Variants in GRIK4 observed in about 807,000 individuals in gnomAD.
GRIK4 encodes glutamate ionotropic receptor kainate type subunit 4, also known as glutamate receptor ionotropic, kainate 4.
Under a neutral mutation model 104.9 loss-of-function variants are expected in GRIK4, and 40 were observed. The observed-to-expected ratio is 0.38, with a 90% CI of 0.30 to 0.50. The LOEUF is 0.50. Ranked by LOEUF, GRIK4 falls within the 20% of genes least tolerant of loss-of-function variation. The pLI is 0.93. For synonymous variants in GRIK4, 485 were observed against 524.9 expected (o/e 0.92, Z 1.04); for missense variants, 1,047 against 1,308.1 (o/e 0.80, Z 3.08).
chr11:120,729,723 T>G (rs1216003811), intron 3 of GRIK4, among the ~76,000 whole-genome samples: 3 of 152,136 alleles, frequency 2.0e-5, no homozygotes, highest in Admixed American at 2.0e-4. Flanking sequence ...TCTCTTCAGT[T>G]TGCTGACTGT....
At chr11:120,694,161 A>G (rs1950406684) in intron 3 of GRIK4, among the ~76,000 whole-genome samples, 1 of 152,178 alleles carries the variant, frequency 6.6e-6, no homozygotes, top group Non-Finnish European at 1.5e-5. Context: ...TGAGGGAGGG[A>G]TCTGGGCTGG....
chr11:120,642,649 TC>T (rs984004228), intron 1 of GRIK4, among the ~76,000 whole-genome samples: 1 of 152,162 alleles, frequency 6.6e-6, no homozygotes, highest in African/African-American at 2.4e-5. Context: ...TCCTTGGCAC[TC>T]CTGTCCCTTC....
chr11:120,663,074 CAT>C (rs1347446990), intron 3 of GRIK4, among the ~76,000 whole-genome samples: 2 of 152,204 alleles, frequency 1.3e-5, no homozygotes, highest in East Asian at 3.8e-4. Context: ...AACTCTCACA[CAT>C]ATGTCAACCC....
intron 3 of GRIK4, among the ~76,000 whole-genome samples, chr11:120,702,128 G>A (rs532357606): frequency 2.0e-5 from 3 of 152,118 alleles, no homozygotes; most frequent in African/African-American, 7.2e-5. Context: ...GCTAATTTTT[G>A]TATTTTTAGT....
At chr11:120,798,157 CTT>C (rs539833846) in intron 3 of GRIK4, among the ~76,000 whole-genome samples, 86 of 68,104 alleles carry the variant, frequency 1.3e-3, no homozygotes, top group African/African-American at 4.0e-3. Flanking sequence ...TCTGCTGTCT[CTT>C]TTTTTTTTTT....
intron 3 of GRIK4, among the ~76,000 whole-genome samples, chr11:120,760,979 G>A (rs1951739328): frequency 6.6e-6 from 1 of 152,058 alleles, no homozygotes; most frequent in Non-Finnish European, 1.5e-5. Flanking sequence ...GGGATTGCTG[G>A]GTCAAATGGT....
intron 20 of GRIK4, among the ~76,000 whole-genome samples, chr11:120,984,278 C>A (rs1428347254): frequency 3.3e-5 from 5 of 152,208 alleles, no homozygotes; most frequent in Non-Finnish European, 7.3e-5. Context: ...AGGACTTCTG[C>A]TCCCATATGG....
At chr11:120,620,321 C>T in intron 1 of GRIK4, 1 of 643,606 alleles carries the variant, frequency 1.6e-6, no homozygotes, top group East Asian at 2.8e-5. Flanking sequence ...TAGTAGTTTC[C>T]CAGAGTTCTT....
At chr11:120,723,547 A>C (rs1213742171) in intron 3 of GRIK4, among the ~76,000 whole-genome samples, 1 of 152,198 alleles carries the variant, frequency 6.6e-6, no homozygotes, top group African/African-American at 2.4e-5. Flanking sequence ...TTAGAGGAGA[A>C]AGTTGCTTGC....
intron 8 of GRIK4, among the ~76,000 whole-genome samples, chr11:120,847,698 A>G (rs1488123351): frequency 3.9e-5 from 6 of 152,232 alleles, no homozygotes; most frequent in Non-Finnish European, 7.3e-5. Flanking sequence ...CAGAACTTTC[A>G]TATTACTCCC....
chr11:120,641,070 G>T (rs1949466653), intron 1 of GRIK4, among the ~76,000 whole-genome samples: 1 of 152,240 alleles, frequency 6.6e-6, no homozygotes, highest in Non-Finnish European at 1.5e-5. Flanking sequence ...GACTCTACAG[G>T]CTTTGAACTT....
At chr11:120,580,434 C>G (rs1948564630) in intron 1 of GRIK4, among the ~76,000 whole-genome samples, 1 of 151,996 alleles carries the variant, frequency 6.6e-6, no homozygotes, top group African/African-American at 2.4e-5. Flanking sequence ...CACCACCATG[C>G]CTAGCTAATT....
At chr11:120,974,127 C>T (rs1383966419) in intron 19 of GRIK4, among the ~76,000 whole-genome samples, 3 of 152,044 alleles carry the variant, frequency 2.0e-5, no homozygotes, top group South Asian at 2.1e-4. Context: ...AGGCTGGTCT[C>T]GAACTCCTGA....
intron 1 of GRIK4, among the ~76,000 whole-genome samples, chr11:120,561,861 CA>C (rs1948242620): frequency 6.6e-6 from 1 of 152,224 alleles, no homozygotes; most frequent in Non-Finnish European, 1.5e-5. Flanking sequence ...CTGCACGCTA[CA>C]CAGCTGATGA....
rs575210512 is a variant in GRIK4, at chr11:120,741,891, A to G, written c.83-60802A>G. 2.6e-5 allele frequency among the ~76,000 whole-genome samples: 4 copies of G among 152,282 alleles called. No individual in the cohort carries two copies. In the South Asian group the frequency reaches 6.2e-4, roughly 24 times the overall value. Reference sequence around the variant, plus strand: ...AAGATGCAGTCTCTGCCCTGGGGGAATTCTCTGGCTAAGAGGAGACATAGA... The same window carrying G: ...AAGATGCAGTCTCTGCCCTGGGGGAGTTCTCTGGCTAAGAGGAGACATAGA... On this transcript the variant is annotated intron_variant, in intron 3 of 20. Transcript: ENST00000527524.
intron 1 of GRIK4, among the ~76,000 whole-genome samples, chr11:120,548,999 A>G (rs1405922752): frequency 6.6e-6 from 1 of 152,114 alleles, no homozygotes; most frequent in East Asian, 1.9e-4. Flanking sequence ...CAGGCCCAGG[A>G]CACAGCACCT....
rs190022602 is a variant in GRIK4 at position 120,926,469 on chromosome 11, C to G, written c.1477-13878C>G. Reference sequence around the variant, plus strand: ...CATTAATTTAACCTCCCCAACATACCTACAAAGTATGTAATATTACTAACC... The same window carrying G: ...CATTAATTTAACCTCCCCAACATACGTACAAAGTATGTAATATTACTAACC... On this transcript the variant is annotated intron_variant, in intron 13 of 20. Coordinates refer to ENST00000527524, the MANE Select transcript of GRIK4 (RefSeq NM_014619.5). Among the ~76,000 whole-genome samples the G allele has an allele frequency of 3.3e-5, 5 of 152,270 alleles. No homozygotes were observed. The East Asian group carries it at 9.6e-4, about 29-fold the overall frequency.
At position 120,902,741 on chromosome 11, in the gene GRIK4, A is replaced by G. The variant is rs1366405006; in HGVS notation, c.1273-2549A>G. ...GGCATGAGAGCAGGGGAGTTCTGAG[A>G]CATGGGTTGGCACAGAAGGAGGCAG... On this transcript the variant is annotated intron_variant, in intron 12 of 20. Coordinates refer to ENST00000527524, the MANE Select transcript of GRIK4 (RefSeq NM_014619.5). This position sits in a 1 kb window ranked among gnomAD's most constrained non-coding sequence, Gnocchi z 4.5. Among the ~76,000 whole-genome samples, 1 of 152,108 alleles carries G rather than the reference A, an allele frequency of 6.6e-6. No individual in the cohort carries two copies. Among genetic ancestry groups the G allele is most frequent in the African/African-American group, 2.4e-5 (1 of 41,394 alleles).
At chr11:120,743,734 A>G (rs1406646365) in intron 3 of GRIK4, among the ~76,000 whole-genome samples, 1 of 152,266 alleles carries the variant, frequency 6.6e-6, no homozygotes, top group African/African-American at 2.4e-5. Context: ...CAGCACATAC[A>G]AAGTCTCATA....
Sources: gnomAD v4.1 joint callset for allele counts (sites outside exome capture counted in the v4.1 genomes callset) on GRCh38, gnomAD v4.1.1 for gene constraint, Gnocchi (gnomAD v3.1) non-coding constraint, MANE v1.5 for transcripts, NCBI Gene and HGNC (gene_info 2026-07-23, HGNC 2026-07-21) for gene names.